CD5L: variants seen among roughly 807,000 people sequenced by gnomAD.
CD5L encodes the protein CD5 antigen-like.
CD5L carries 39 observed loss-of-function variants against 40.8 expected under a neutral mutation model. That is an observed-to-expected ratio of 0.96 (90% CI 0.74 to 1.25). The LOEUF (loss-of-function observed/expected upper bound fraction) is 1.25, where lower values mean the gene tolerates loss of function less well. Ranked by LOEUF, CD5L falls within the 50% of genes most tolerant of loss-of-function variation. CD5L has a pLI of 0.00. For missense variants in CD5L, 433 were observed against 435.9 expected (o/e 0.99, Z 0.06); for synonymous variants, 192 against 169.6 (o/e 1.13, Z -1.03).
At chr1:157,838,724 A>G (rs1226108406) in intron 2 of CD5L, among the ~76,000 whole-genome samples, 1 of 152,070 alleles carries the variant, frequency 6.6e-6, no homozygotes, top group African/African-American at 2.4e-5. Flanking sequence ...AGGGTATAGG[A>G]TTCTCCACAC....
At chr1:157,827,256 G>C (rs1291780688), downstream of CD5L, among the ~76,000 whole-genome samples, 1 of 143,020 alleles carries the variant, frequency 7.0e-6, no homozygotes, top group East Asian at 2.1e-4. Context: ...AGAGAAACAG[G>C]ACAAATGGTG....
chr1:157,831,896 T>C lies in CD5L; in HGVS notation c.*68A>G. On this transcript the variant is annotated 3_prime_UTR_variant, in exon 6 of 6. Transcript: ENST00000368174. ...AGCCCCAGAATGAGTATGAGGATAA[T>C]CAGGGCTCAGGAGAACAAGCAGAGG... 6.6e-7 allele frequency: 1 copy of C among 1,524,822 alleles called. No individual in the cohort carries two copies. Among genetic ancestry groups the C allele is most frequent in the Non-Finnish European group, 8.7e-7 (1 of 1,143,282 alleles). The allele number at this position is 1,524,822 out of a possible 1,614,324, so 94.5% of individuals were successfully genotyped here. A position where few individuals can be genotyped will look rare whatever the true frequency, so the allele number is the denominator to read the frequency against.
rs573873679 is a variant in CD5L at position 157,833,295 on chromosome 1, A to G, written c.936T>C (p.Asn312=). 57 of 1,613,964 alleles carry G rather than the reference A, an allele frequency of 3.5e-5. No individual in the cohort carries two copies. The highest frequency in any genetic ancestry group is 4.4e-5 in the Non-Finnish European group (52 of 1,180,030). Residue 312 remains asparagine (N), a synonymous_variant, in exon 5 of 6, where the codon AAT becomes AAC. Coordinates refer to ENST00000368174, the MANE Select transcript of CD5L (RefSeq NM_005894.3). ...ACTGCTCCTCCCCTGAGCAACGAAC[A>G]TTATCCAGCCAGATGCGGCCAACCC... ...GPGVGRIWLD[N]VRCSGEEQSL... is the part of the protein sequence containing the mutation.
Position 157,836,105 on chromosome 1 carries a change from G to A in CD5L, c.106C>T (p.Arg36Trp), listed in dbSNP as rs145458344. 1.5e-5 allele frequency: 24 copies of A among 1,613,662 alleles called. 1 individual carries two copies. The highest frequency in any genetic ancestry group is 6.7e-5 in the African/African-American group (5 of 74,988). The change falls in exon 3 of 6, where the codon CGG (arginine) becomes TGG (tryptophan). Residue 36 changes from arginine to tryptophan, a missense_variant. Physicochemically the swap from Arg to Trp is moderately radical, Grantham distance 101. Transcript: ENST00000368174. Reference protein sequence around the residue: ...LVGGLHRCEGRVEVEQKGQWG... With the variant: ...LVGGLHRCEGWVEVEQKGQWG... ...TGGCCTTTCTGTTCCACCTCCACCC[G>A]CCCTTCACAGCGGTGGAGGCCCCCC...
rs770986368 is a variant in CD5L at position 157,834,417 on chromosome 1, G to A, written c.708C>T (p.Val236=). ...ACGCACAGGCATTACCTTCACATTC[G>A]ACCCACGTGTCTTCATCATGGTTGC... The part of the protein sequence containing the change: ...NTCNHDEDTW[V]ECEDPFDLRL... The change falls in exon 4 of 6, where the codon GTC becomes GTT. Residue 236 remains valine (V), a synonymous_variant. Coordinates refer to ENST00000368174, the MANE Select transcript of CD5L (RefSeq NM_005894.3). 5.0e-6 allele frequency: 8 copies of A among 1,611,008 alleles called. No individual in the cohort carries two copies. The highest frequency in any genetic ancestry group is 4.4e-5 in the South Asian group (4 of 90,886).
chr1:157,831,190 T>C lies in CD5L; in HGVS notation c.*774A>G. 3 of 985,284 alleles carry C rather than the reference T, an allele frequency of 3.0e-6. No individual in the cohort carries two copies. Among genetic ancestry groups the C allele is most frequent in the Non-Finnish European group, 3.6e-6 (3 of 829,806 alleles). 61.0% of individuals were successfully genotyped at this position (985,284 alleles called of 1,614,324 possible). On this transcript the variant is annotated 3_prime_UTR_variant, in exon 6 of 6. Transcript: ENST00000368174. Reference sequence around the variant, plus strand: ...GACCTTTTCCCAGTAACCAATATATTTTTCTTTGAATAAAGTAAAATGTAT... The same window carrying C: ...GACCTTTTCCCAGTAACCAATATATCTTTCTTTGAATAAAGTAAAATGTAT...
In CD5L at chr1:157,833,261, G is replaced by A. The variant is rs144524785; in HGVS notation, c.970C>T (p.Gln324Ter). ...AACCCCCAAAATCTGTGCTGGCACT[G>A]CTCCAGGGACTGCTCCTCCCCTGAG... ...RCSGEEQSLE[Q>*]CQHRFWGFHD... The change falls in exon 5 of 6, where the codon CAG becomes TAG. Residue 324 changes from glutamine to a stop codon, truncating the protein, a stop_gained. Transcript: ENST00000368174. LOFTEE classifies it high-confidence loss of function. 1.2e-6 allele frequency: 2 copies of A among 1,614,184 alleles called. No homozygotes were observed. The highest frequency in any genetic ancestry group is 2.2e-5 in the East Asian group (1 of 44,868).
At chr1:157,827,396 G>A (rs1476610650), downstream of CD5L, among the ~76,000 whole-genome samples, 2 of 151,964 alleles carry the variant, frequency 1.3e-5, no homozygotes, top group Non-Finnish European at 2.9e-5. Flanking sequence ...AGGAAAGGTG[G>A]TGATGTAGTT....
chr1:157,837,457 C>A (rs1375972890), intron 2 of CD5L, among the ~76,000 whole-genome samples: 2 of 152,198 alleles, frequency 1.3e-5, no homozygotes, highest in Non-Finnish European at 2.9e-5. Context: ...CACCAAGCCT[C>A]CTGCAGCCTC....
At chr1:157,834,341 G>T in intron 4 of CD5L, 66 bp downstream of exon 4, 1 of 1,341,498 alleles carries the variant, frequency 7.5e-7, no homozygotes, top group Admixed American at 2.1e-5. Context: ...TGTAAATACT[G>T]TTTGAATGAG....
chr1:157,836,180 A>C, intron 2 of CD5L, 25 bp from the exon 3 acceptor site: 1 of 1,586,136 alleles, frequency 6.3e-7, no homozygotes, highest in Non-Finnish European at 8.6e-7. Flanking sequence ...GTTGTTAGCT[A>C]GAGGCCTGAG....
At chr1:157,839,321 G>C (rs897737752) in intron 2 of CD5L, 63 bp downstream of exon 2, 61 of 1,504,272 alleles carry the variant, frequency 4.1e-5, no homozygotes, top group Non-Finnish European at 5.1e-5. Context: ...GGCTCAAGAA[G>C]CTTCAAAATT....
intron 3 of CD5L, among the ~76,000 whole-genome samples, chr1:157,835,171 G>T (rs147738799): frequency 1.6e-3 from 241 of 152,308 alleles, no homozygotes; most frequent in African/African-American, 5.6e-3. Context: ...ATAGGACTGA[G>T]TCTTCAATGT....
chr1:157,839,238 C>T (rs571366843), intron 2 of CD5L, 146 bp downstream of exon 2: 363 of 785,754 alleles, frequency 4.6e-4, no homozygotes, highest in Middle Eastern at 9.3e-4. Context: ...TCTGCCCACA[C>T]AAGACTGAGT....
At chr1:157,838,904 T>C (rs543535450) in intron 2 of CD5L, among the ~76,000 whole-genome samples, 1 of 152,314 alleles carries the variant, frequency 6.6e-6, no homozygotes, top group Non-Finnish European at 1.5e-5. Context: ...CATTTGTGCA[T>C]TACCCAAAGA....
In CD5L at chr1:157,835,897, T is replaced by C; in HGVS notation, c.314A>G (p.Gln105Arg). The C allele has an allele frequency of 6.2e-7, 1 of 1,614,220 alleles. No individual in the cohort carries two copies. Among genetic ancestry groups the C allele is most frequent in the Non-Finnish European group, 8.5e-7 (1 of 1,180,020 alleles). ...ATCATAAACTTCTTCTTGCTCACAC[T>C]GAGCCAATGTATCTTCTGTTCCTGT... Reference protein sequence around the residue: ...SCTGTEDTLAQCEQEEVYDCS... With the variant: ...SCTGTEDTLARCEQEEVYDCS... Residue 105 changes from glutamine (Q) to arginine (R), a missense_variant, in exon 3 of 6, where the codon CAG becomes CGG. Gln to Arg is a conservative substitution (Grantham distance 43, BLOSUM62 1). Coordinates refer to ENST00000368174, the MANE Select transcript of CD5L (RefSeq NM_005894.3).
In CD5L at chr1:157,834,479, G is replaced by C; in HGVS notation, c.646C>G (p.Gln216Glu). ...MSCSGREATLQDCPSGPWGKN... is the reference protein window; with the variant it reads ...MSCSGREATLEDCPSGPWGKN... ...CCCCAAGGCCCAGAAGGGCAATCCT[G>C]AAGGGTTGCTTCTCGTCCTGAGCAT... The change falls in exon 4 of 6, where the codon CAG becomes GAG. Residue 216 changes from glutamine (Q) to glutamate (E), a missense_variant. Physicochemically the swap from Gln to Glu is conservative, Grantham distance 29. Transcript: ENST00000368174. The C allele has an allele frequency of 1.2e-6, 2 of 1,614,212 alleles. No homozygotes were observed. The highest frequency in any genetic ancestry group is 1.7e-6 in the Non-Finnish European group (2 of 1,180,050).
intron 5 of CD5L, 105 bp downstream of exon 5, chr1:157,833,087 T>C (rs2765500): frequency 0.44 from 387,351 of 888,744 alleles, 89,841 homozygotes; most frequent in Non-Finnish European, 0.47. Context: ...AGCAGCTTCA[T>C]GGCGCTTGTG....
At chr1:157,837,997 C>A (rs984787237) in intron 2 of CD5L, among the ~76,000 whole-genome samples, 2 of 151,876 alleles carry the variant, frequency 1.3e-5, no homozygotes, top group Non-Finnish European at 2.9e-5. Context: ...AGGATGGTCT[C>A]AATCTCCTGA....
Sources: gnomAD v4.1 joint callset for allele counts (sites outside exome capture counted in the v4.1 genomes callset) on GRCh38, gnomAD v4.1.1 for gene constraint, MANE v1.5 for transcripts, NCBI Gene and HGNC (gene_info 2026-07-23, HGNC 2026-07-21) for gene names.